Variants in TIAM1 observed in about 807,000 individuals in gnomAD.
TIAM1 encodes TIAM Rac1 associated GEF 1, also known as rho guanine nucleotide exchange factor TIAM1.
Under a neutral mutation model 163.5 loss-of-function variants are expected in TIAM1, and 65 were observed. That is an observed-to-expected ratio of 0.40 (90% CI 0.33 to 0.49). The LOEUF is 0.49. TIAM1 is among the 20% of genes least tolerant of loss of function. TIAM1 has a pLI of 0.77. For missense variants in TIAM1, 1,789 were observed against 2,044.7 expected, an observed-to-expected ratio of 0.87 and a Z score of 2.41; for synonymous variants, 833 against 810.1, an observed-to-expected ratio of 1.03 and a Z score of -0.48.
rs760588858 is a variant in TIAM1, at chr21:31,245,679, G to T, written c.1412-19C>A. 1.3e-6 allele frequency: 2 copies of T among 1,526,450 alleles called. No individual in the cohort carries two copies. The highest frequency in any genetic ancestry group is 1.3e-5 in the South Asian group (1 of 77,078). The allele number at this position is 1,526,450 out of a possible 1,614,324, so 94.6% of individuals were successfully genotyped here. On this transcript the variant is annotated intron_variant, in intron 5 of 27. Coordinates refer to ENST00000541036, the MANE Select transcript of TIAM1 (RefSeq NM_001353694.2). ...GTGCATCCTGAGGAAACAGAACAGG[G>T]GTGTGCATGAGTATTCAGTGCTTGG...
chr21:31,255,098 G>C (rs1286599306), intron 4 of TIAM1, among the ~76,000 whole-genome samples: 1 of 152,104 alleles, frequency 6.6e-6, no homozygotes, highest in Non-Finnish European at 1.5e-5. Flanking sequence ...GTTCAACTCT[G>C]GGACAACCAC....
rs373701813 is a variant in TIAM1 at position 31,182,397 on chromosome 21, C to T, written c.2887+24G>A. 25 of 1,510,324 alleles carry T rather than the reference C, an allele frequency of 1.7e-5. No homozygotes were observed. In the African/African-American group the frequency reaches 3.5e-4, roughly 21 times the overall value. 93.6% of individuals were successfully genotyped at this position (1,510,324 alleles called of 1,614,324 possible). A position where few individuals can be genotyped will look rare whatever the true frequency, so the allele number is the denominator to read the frequency against. ...GTGGCACAACGGAGTTCAGACTCGC[C>T]CCCAGCACCCTGCACAGCCATACCT... On this transcript the variant is annotated intron_variant, in intron 15 of 27. Coordinates refer to ENST00000541036, the MANE Select transcript of TIAM1 (RefSeq NM_001353694.2).
chr21:31,236,147 G>A (rs2088740690), intron 6 of TIAM1, among the ~76,000 whole-genome samples: 1 of 152,182 alleles, frequency 6.6e-6, no homozygotes, highest in South Asian at 2.1e-4. Flanking sequence ...TTGAGTCTGT[G>A]GCTAGTGAGT....
At chr21:31,458,409 A>G (rs1233326185) in intron 2 of TIAM1, among the ~76,000 whole-genome samples, 5 of 152,112 alleles carry the variant, frequency 3.3e-5, no homozygotes, top group Non-Finnish European at 7.4e-5. Flanking sequence ...AACAAGAGCG[A>G]AACTCCATCT....
chr21:31,493,702 C>T (rs966347061), intron 1 of TIAM1, among the ~76,000 whole-genome samples: 19 of 152,084 alleles, frequency 1.2e-4, no homozygotes, highest in African/African-American at 2.4e-4. Flanking sequence ...GGCAGTGACA[C>T]GTCGGAGCTG....
At chr21:31,404,492 G>GAAA (rs3216557) in intron 2 of TIAM1, among the ~76,000 whole-genome samples, 9,642 of 143,644 alleles carry the variant, frequency 0.067, 967 homozygotes, top group African/African-American at 0.22. Flanking sequence ...TTTTAAAGAG[G>GAAA]AAAAAAAAAA....
In TIAM1 at chr21:31,154,440, G is replaced by T. The variant is rs78007898; in HGVS notation, c.2992-14C>A. 0.1 allele frequency: 160,250 copies of T among 1,608,074 alleles called. 8,916 individuals carry two copies. Among genetic ancestry groups the T allele is most frequent in the East Asian group, 0.22 (9,686 of 44,738 alleles). On this transcript the variant is annotated splice_polypyrimidine_tract_variant and intron_variant, in intron 16 of 27. Transcript: ENST00000541036. ...CTGTTCTGTACTCTTCGGAGCACAG[G>T]GGGGAAGGGAAGGCAGAGGTCATTA...
intron 2 of TIAM1, among the ~76,000 whole-genome samples, chr21:31,358,962 T>C (rs2076358969): frequency 6.6e-6 from 1 of 152,198 alleles, no homozygotes; most frequent in African/African-American, 2.4e-5. Flanking sequence ...CTCCCCTTGT[T>C]CATGCCACTG....
intron 22 of TIAM1, among the ~76,000 whole-genome samples, chr21:31,138,698 T>TA (rs1431625991): frequency 1.3e-5 from 2 of 152,218 alleles, no homozygotes; most frequent in African/African-American, 4.8e-5. Context: ...GTTTTGTTCT[T>TA]ACGGCATTGA....
At chr21:31,380,059 T>C (rs1041010187) in intron 2 of TIAM1, among the ~76,000 whole-genome samples, 1 of 152,112 alleles carries the variant, frequency 6.6e-6, no homozygotes, top group Non-Finnish European at 1.5e-5. Context: ...ACTCAGGAGT[T>C]CAAGATCAGC....
At position 31,245,661 on chromosome 21, in the gene TIAM1, C is replaced by A; in HGVS notation, c.1412-1G>T. On this transcript the variant is annotated splice_acceptor_variant, in intron 5 of 27. Coordinates refer to ENST00000541036, the MANE Select transcript of TIAM1 (RefSeq NM_001353694.2). LOFTEE classifies it high-confidence loss of function. ...CTCTCGTAGAAAAATAGCGTGCATC[C>A]TGAGGAAACAGAACAGGGGTGTGCA... The A allele has an allele frequency of 6.4e-7, 1 of 1,569,538 alleles. No individual in the cohort carries two copies. Among genetic ancestry groups the A allele is most frequent in the Non-Finnish European group, 8.6e-7 (1 of 1,158,164 alleles).
At chr21:31,283,799 C>A (rs1220105209) in intron 2 of TIAM1, among the ~76,000 whole-genome samples, 1 of 152,098 alleles carries the variant, frequency 6.6e-6, no homozygotes, top group Non-Finnish European at 1.5e-5. Context: ...TCCTTGGCTT[C>A]CCAAAGTGCT....
chr21:31,381,030 A>G (rs1439818781), intron 2 of TIAM1, among the ~76,000 whole-genome samples: 3 of 152,220 alleles, frequency 2.0e-5, no homozygotes, highest in Non-Finnish European at 4.4e-5. Flanking sequence ...CAGTAACTTT[A>G]TAAGTAAATA....
At chr21:31,399,250 T>C (rs1339009477) in intron 2 of TIAM1, among the ~76,000 whole-genome samples, 1 of 151,782 alleles carries the variant, frequency 6.6e-6, no homozygotes, top group Non-Finnish European at 1.5e-5. Context: ...AGCAAGGAAA[T>C]TATTTTTTTT....
At chr21:31,146,779 G>T in intron 20 of TIAM1, 116 bp downstream of exon 20, 1 of 739,000 alleles carries the variant, frequency 1.4e-6, no homozygotes, top group Non-Finnish European at 2.3e-6. Flanking sequence ...TGGCTTGCTG[G>T]AACATCTATC....
At chr21:31,457,225 C>A (rs1051193606) in intron 2 of TIAM1, among the ~76,000 whole-genome samples, 4 of 152,132 alleles carry the variant, frequency 2.6e-5, no homozygotes, top group South Asian at 2.1e-4. Flanking sequence ...AATCCCAGCA[C>A]GAACTTCACA....
At chr21:31,410,638 A>C (rs565830591) in intron 2 of TIAM1, among the ~76,000 whole-genome samples, 1 of 149,364 alleles carries the variant, frequency 6.7e-6, no homozygotes, top group Admixed American at 6.7e-5. Context: ...GTCAGTGACT[A>C]TGTGTAAGTG....
At chr21:31,461,711 G>A (rs1602337171) in intron 2 of TIAM1, among the ~76,000 whole-genome samples, 1 of 152,138 alleles carries the variant, frequency 6.6e-6, no homozygotes, top group Admixed American at 6.5e-5. Flanking sequence ...TATTGCCCAA[G>A]CTGGAGTGCA....
rs758165606 is a variant in TIAM1 at position 31,225,720 on chromosome 21, G to T, written c.1809+6C>A. On this transcript the variant is annotated splice_donor_region_variant and intron_variant, in intron 7 of 27. Transcript: ENST00000541036. Reference sequence around the variant, plus strand: ...TGTCCGGACCTAAACACGGAAGAACGATTACCTGATCTAATATTGTTTTCT... The same window carrying T: ...TGTCCGGACCTAAACACGGAAGAACTATTACCTGATCTAATATTGTTTTCT... The T allele has an allele frequency of 8.7e-6, 14 of 1,604,972 alleles. No individual in the cohort carries two copies. Among genetic ancestry groups the T allele is most frequent in the Non-Finnish European group, 1.2e-5 (14 of 1,178,114 alleles).
Sources: allele counts gnomAD v4.1 joint callset (sites outside exome capture counted in the v4.1 genomes callset), GRCh38; gene constraint gnomAD v4.1.1; transcripts MANE v1.5; gene names NCBI Gene and HGNC (gene_info 2026-07-23, HGNC 2026-07-21).